The following NKAIN1 variants were observed in gnomAD, a reference collection of about 807,000 sequenced individuals.
NKAIN1 encodes the protein sodium/potassium-transporting ATPase subunit beta-1-interacting protein 1.
In NKAIN1, 13 loss-of-function variants were observed where a neutral mutation model predicts 31.6. That is an observed-to-expected ratio of 0.41 (90% CI 0.27 to 0.65). The LOEUF is 0.65. NKAIN1 is among the 30% of genes least tolerant of loss of function. NKAIN1 has a pLI of 0.30. For missense variants in NKAIN1, 193 were observed against 262.2 expected (o/e 0.74, Z 1.82); for synonymous variants, 104 against 109.0 (o/e 0.95, Z 0.28).
chr1:31,200,410 T>C (rs1013604818), intron 1 of NKAIN1, among the ~76,000 whole-genome samples: 1 of 151,800 alleles, frequency 6.6e-6, no homozygotes, highest in African/African-American at 2.4e-5. Context: ...TGCACTTCTA[T>C]AGTTCCGGAA....
chr1:31,193,376 A>T (rs1018921191), intron 1 of NKAIN1, among the ~76,000 whole-genome samples: 3 of 151,692 alleles, frequency 2.0e-5, no homozygotes. Context: ...CAACAATCTC[A>T]ATTTTAAAGT....
intron 1 of NKAIN1, among the ~76,000 whole-genome samples, chr1:31,237,070 AGAGT>A (rs1446580094): frequency 2.0e-5 from 3 of 152,106 alleles, no homozygotes; most frequent in African/African-American, 7.2e-5. Flanking sequence ...CTGGGCAACA[AGAGT>A]GAGACCCACC....
At chr1:31,196,369 C>T (rs1237553971) in intron 1 of NKAIN1, among the ~76,000 whole-genome samples, 6 of 152,084 alleles carry the variant, frequency 3.9e-5, no homozygotes, top group Non-Finnish European at 8.8e-5. Flanking sequence ...AAAAATTAGC[C>T]AGGCGTGGTG....
intron 1 of NKAIN1, among the ~76,000 whole-genome samples, chr1:31,227,771 A>G (rs1645618823): frequency 1.3e-5 from 2 of 152,096 alleles, no homozygotes; most frequent in Admixed American, 1.3e-4. Context: ...GGATAACCAC[A>G]AGACCTTTCA....
chr1:31,188,476 A>G lies in NKAIN1; in HGVS notation c.55-289T>C, dbSNP rs116331057. The G allele has an allele frequency of 5.1e-4, 166 of 323,892 alleles. 1 individual carries two copies. Among genetic ancestry groups the G allele is most frequent in the African/African-American group, 3.1e-3 (150 of 48,072 alleles). 20.1% of individuals were successfully genotyped at this position (323,892 alleles called of 1,614,324 possible). On this transcript the variant is annotated intron_variant, in intron 1 of 6. Coordinates refer to ENST00000373736, the MANE Select transcript of NKAIN1 (RefSeq NM_024522.3). ...GCTCCTGCACCTTCTCCATGTGGAG[A>G]AGATGGTGGGATCAGAATCCAGACT...
At chr1:31,202,719 C>T (rs1359104583) in intron 1 of NKAIN1, among the ~76,000 whole-genome samples, 3 of 150,454 alleles carry the variant, frequency 2.0e-5, no homozygotes, top group Non-Finnish European at 4.4e-5. Flanking sequence ...TGGCTCACCC[C>T]TGTAATCCCA....
At chr1:31,205,357 G>C (rs2148357021) in intron 1 of NKAIN1, among the ~76,000 whole-genome samples, 1 of 152,098 alleles carries the variant, frequency 6.6e-6, no homozygotes, top group African/African-American at 2.4e-5. Flanking sequence ...TGCCTAGGCT[G>C]GAGTGCAGTG....
chr1:31,182,647 C>A, intron 4 of NKAIN1, 57 bp from the exon 5 acceptor site: 1 of 1,596,514 alleles, frequency 6.3e-7, no homozygotes, highest in Non-Finnish European at 8.6e-7. Context: ...TCTTCCTCCG[C>A]CCCCTGCCGG....
At chr1:31,196,322 G>A (rs1249314369) in intron 1 of NKAIN1, among the ~76,000 whole-genome samples, 1 of 152,076 alleles carries the variant, frequency 6.6e-6, no homozygotes, top group African/African-American at 2.4e-5. Context: ...GACCATCCTG[G>A]CTAACATGGT....
rs2148369198 is a variant in NKAIN1 at position 31,233,709 on chromosome 1, G to A, written c.54+5785C>T. ...ATACAGGCAGAGATGGGGCTGACGTGACTTGTCCAAGTCTCAAGGCAAATC... is the reference window on the plus strand; with the variant it reads ...ATACAGGCAGAGATGGGGCTGACGTAACTTGTCCAAGTCTCAAGGCAAATC... On this transcript the variant is annotated intron_variant, in intron 1 of 6. Coordinates refer to ENST00000373736, the MANE Select transcript of NKAIN1 (RefSeq NM_024522.3). This position sits in a 1 kb window ranked among gnomAD's most constrained non-coding sequence, Gnocchi z 4.0. Among the ~76,000 whole-genome samples the A allele has an allele frequency of 6.6e-6, 1 of 152,322 alleles. No individual in the cohort carries two copies. The highest frequency in any genetic ancestry group is 1.9e-4 in the East Asian group (1 of 5,186).
chr1:31,219,114 CT>C lies in NKAIN1; in HGVS notation c.54+20379del, dbSNP rs1160324462. Among the ~76,000 whole-genome samples the C allele has an allele frequency of 2.6e-5, 4 of 152,378 alleles. No homozygotes were observed. In the South Asian group the frequency reaches 6.2e-4, roughly 24 times the overall value. ...CTAAATATCTAAGTTACAAACCAAA[CT>C]AACAACCTCCTAAATATATGTTCTG... On this transcript the variant is annotated intron_variant, in intron 1 of 6. Transcript: ENST00000373736.
At chr1:31,221,899 G>A (rs1446274828) in intron 1 of NKAIN1, among the ~76,000 whole-genome samples, 2 of 151,228 alleles carry the variant, frequency 1.3e-5, no homozygotes, top group African/African-American at 4.9e-5. Flanking sequence ...ATTTTTTTGA[G>A]ACAGAGTCTC....
At chr1:31,195,609 G>T (rs1172747389) in intron 1 of NKAIN1, among the ~76,000 whole-genome samples, 4 of 151,542 alleles carry the variant, frequency 2.6e-5, no homozygotes, top group African/African-American at 9.7e-5. Context: ...CAAGCTCAAA[G>T]CCTCTCCCAT....
chr1:31,235,836 C>A (rs911315666), intron 1 of NKAIN1, among the ~76,000 whole-genome samples: 1 of 152,108 alleles, frequency 6.6e-6, no homozygotes, highest in Non-Finnish European at 1.5e-5. Context: ...AAATCCAGGT[C>A]TTTTGCCTCT....
intron 1 of NKAIN1, among the ~76,000 whole-genome samples, chr1:31,210,238 C>T (rs1038765431): frequency 2.6e-5 from 4 of 151,830 alleles, no homozygotes; most frequent in African/African-American, 4.8e-5. Context: ...GCCATACCCA[C>T]GGGCCACAAA....
chr1:31,182,166 G>T (rs1249282152), intron 5 of NKAIN1, among the ~76,000 whole-genome samples: 1 of 152,080 alleles, frequency 6.6e-6, no homozygotes, highest in Non-Finnish European at 1.5e-5. Context: ...AGGCGGCGAG[G>T]CCGGGCCAGC....
chr1:31,192,573 T>C lies in NKAIN1; in HGVS notation c.55-4386A>G, dbSNP rs995623811. On this transcript the variant is annotated intron_variant, in intron 1 of 6. Coordinates refer to ENST00000373736, the MANE Select transcript of NKAIN1 (RefSeq NM_024522.3). ...TAAATGAATTTTTTTTTTTTTGAGA[T>C]GGAGTCTCGCTCTGTCGCCCAGGCT... is the stretch of plus-strand genomic sequence containing the variant. Among the ~76,000 whole-genome samples, 3 of 151,790 alleles carry C rather than the reference T, an allele frequency of 2.0e-5. No homozygotes were observed. In the East Asian group the frequency reaches 5.8e-4, roughly 29 times the overall value.
At chr1:31,196,181 C>A (rs1645324971) in intron 1 of NKAIN1, among the ~76,000 whole-genome samples, 2 of 152,006 alleles carry the variant, frequency 1.3e-5, no homozygotes, top group Admixed American at 1.3e-4. Context: ...GAGTTTGAGA[C>A]CAGCCTGGCC....
intron 4 of NKAIN1, 22 bp downstream of exon 4, chr1:31,183,795 G>C (rs376103714): frequency 1.7e-5 from 27 of 1,602,170 alleles, no homozygotes; most frequent in African/African-American, 2.7e-5. Flanking sequence ...GTGTGTGTAG[G>C]GTGGGGGACA....
Sources: allele counts gnomAD v4.1 joint callset (sites outside exome capture counted in the v4.1 genomes callset), GRCh38; gene constraint gnomAD v4.1.1; non-coding constraint Gnocchi (gnomAD v3.1); transcripts MANE v1.5; gene names NCBI Gene and HGNC (gene_info 2026-07-23, HGNC 2026-07-21).